Variants in LRP1 observed in about 807,000 individuals in gnomAD.
LRP1 encodes the protein LDL receptor related protein 1.
A neutral mutation model predicts 541.5 loss-of-function variants in LRP1; 51 were observed. The observed-to-expected ratio is 0.09, with a 90% CI of 0.08 to 0.12. The LOEUF (loss-of-function observed/expected upper bound fraction) is 0.12, where lower values mean the gene tolerates loss of function less well. Among genes scored for constraint, LRP1 ranks in the 10% least tolerant of loss-of-function variants. The pLI is 1.00. For synonymous variants in LRP1, 2,219 were observed against 2,470.8 expected (o/e 0.90, Z 3.02); for missense variants, 3,878 against 6,376.2 (o/e 0.61, Z 13.34).
At chr12:57,160,448 T>G (rs1000313736) in intron 12 of LRP1, among the ~76,000 whole-genome samples, 19 of 152,126 alleles carry the variant, frequency 1.2e-4, no homozygotes, top group Non-Finnish European at 2.4e-4. Flanking sequence ...AACTCCCAGA[T>G]ATTTGCCGGA....
At position 57,201,490 on chromosome 12, in the gene LRP1, C is replaced by A. The variant is rs1202974006; in HGVS notation, c.10346-7C>A. The A allele has an allele frequency of 6.2e-7, 1 of 1,607,330 alleles. No individual in the cohort carries two copies. Among genetic ancestry groups the A allele is most frequent in the African/African-American group, 1.3e-5 (1 of 74,930 alleles). The stretch of plus-strand genomic sequence containing the variant: ...GGAGGGCCCTCATTCTCTTGCCCAC[C>A]CCACAGCCGAGGTGACCTGCGCCCC... On this transcript the variant is annotated splice_polypyrimidine_tract_variant and splice_region_variant and intron_variant, in intron 65 of 88. Transcript: ENST00000243077. This position sits in a 1 kb window ranked among gnomAD's most constrained non-coding sequence, Gnocchi z 6.4.
Position 57,166,102 on chromosome 12 carries a change from C to T in LRP1, c.2690C>T (p.Ser897Leu), listed in dbSNP as rs777442819. 4.3e-6 allele frequency: 7 copies of T among 1,614,136 alleles called. No homozygotes were observed. Among genetic ancestry groups the T allele is most frequent in the Admixed American group, 1.7e-5 (1 of 60,016 alleles). Residue 897 changes from serine (S) to leucine (L), a missense_variant, in exon 17 of 89, where the codon TCG becomes TTG. Physicochemically the swap from Ser to Leu is moderately radical, Grantham distance 145 (BLOSUM62 -2). This residue lies in a region of LRP1 where 496 missense variants were observed against 861.0 expected (regional missense o/e 0.58). Coordinates refer to ENST00000243077, the MANE Select transcript of LRP1 (RefSeq NM_002332.3). ...PALCHQHTCPSDRFKCENNRC... is the reference protein window; with the variant it reads ...PALCHQHTCPLDRFKCENNRC... The stretch of plus-strand genomic sequence containing the variant: ...TCCCCAGATCAGCACACCTGCCCCT[C>T]GGACCGATTCAAGTGCGAGAACAAC...
intron 19 of LRP1, among the ~76,000 whole-genome samples, chr12:57,168,912 G>T (rs1253645875): frequency 1.3e-5 from 2 of 152,178 alleles, no homozygotes; most frequent in African/African-American, 4.8e-5. Context: ...CTGAGCTTCA[G>T]TGAGGGGCCC....
chr12:57,195,194 CG>C (rs1799739), intron 51 of LRP1, 76 bp from the exon 52 acceptor site: 521,683 of 1,594,906 alleles, frequency 0.33, 89,086 homozygotes, highest in African/African-American at 0.5. Flanking sequence ...CTGCAGACGA[CG>C]GCGAACCATC....
At chr12:57,176,945 G>A in intron 24 of LRP1, 96 bp from the exon 25 acceptor site, 2 of 1,023,094 alleles carry the variant, frequency 2.0e-6, no homozygotes, top group South Asian at 2.6e-5. Context: ...AGAAGTGCCA[G>A]GGTTGAGGGT....
intron 76 of LRP1, among the ~76,000 whole-genome samples, chr12:57,207,368 C>T (rs1334989501): frequency 2.0e-5 from 3 of 151,216 alleles, no homozygotes; most frequent in African/African-American, 4.8e-5. Context: ...GGCGTGGTGG[C>T]GGGCGCCTGT....
At chr12:57,143,939 C>T in intron 4 of LRP1, 141 bp downstream of exon 4, 1 of 1,081,218 alleles carries the variant, frequency 9.2e-7, no homozygotes, top group Middle Eastern at 2.5e-4. Flanking sequence ...GCCACCACCC[C>T]AGGGCATGAC....
rs1410989488 is a variant in LRP1, at chr12:57,178,198, TTCTG to T, written c.4362-152_4362-149del. 6.6e-6 allele frequency among the ~76,000 whole-genome samples: 1 copy of T among 152,120 alleles called. No individual in the cohort carries two copies. The highest frequency in any genetic ancestry group is 1.5e-5 in the Non-Finnish European group (1 of 68,014). On this transcript the variant is annotated intron_variant, in intron 26 of 88. Coordinates refer to ENST00000243077, the MANE Select transcript of LRP1 (RefSeq NM_002332.3). The surrounding 1 kb of genome is among the most constrained non-coding windows in gnomAD (Gnocchi z 5.8). The stretch of plus-strand genomic sequence containing the variant: ...CTGTTGGGTTCTCACACCTTGGTCC[TTCTG>T]TCTGTCTGCTCTGGCCAGCAAGGCT...
chr12:57,170,006 C>G (rs766893691), intron 20 of LRP1, among the ~76,000 whole-genome samples: 1 of 152,230 alleles, frequency 6.6e-6, no homozygotes, highest in Non-Finnish European at 1.5e-5. Flanking sequence ...AGTCCCAGAC[C>G]CAACTGTTGG....
chr12:57,168,044 G>T (rs921010945), intron 19 of LRP1: 1 of 159,406 alleles, frequency 6.3e-6, no homozygotes, highest in Admixed American at 6.3e-5. Flanking sequence ...TGTTCTGTCT[G>T]TGTTGTGTTG....
At chr12:57,209,892 C>A (rs2036868967) in intron 80 of LRP1, 24 bp downstream of exon 80, 1 of 1,609,964 alleles carries the variant, frequency 6.2e-7, no homozygotes, top group Admixed American at 1.7e-5. Context: ...GGAGCCTGGG[C>A]TGGGGAAGGG....
intron 34 of LRP1, 147 bp downstream of exon 34, chr12:57,181,438 C>A: frequency 1.0e-6 from 1 of 961,354 alleles, no homozygotes; most frequent in Non-Finnish European, 1.5e-6. Flanking sequence ...GGCTATGACT[C>A]TCCAGTGCCT....
rs115777808 is a variant in LRP1 at position 57,190,554 on chromosome 12, C to A, written c.7032-251C>A. Among the ~76,000 whole-genome samples, 1,114 of 152,356 alleles carry A rather than the reference C, an allele frequency of 7.3e-3. 10 individuals carry two copies. Among genetic ancestry groups the A allele is most frequent in the African/African-American group, 0.026 (1,067 of 41,580 alleles). On this transcript the variant is annotated intron_variant, in intron 42 of 88. Transcript: ENST00000243077. The stretch of plus-strand genomic sequence containing the variant: ...TCTCTTCTCAGCAAGTAGACGGTCA[C>A]TGCCCAGATACTGCAATGTGAATAT...
chr12:57,138,331 A>G, intron 1 of LRP1, 128 bp from the exon 2 acceptor site: 2 of 1,155,540 alleles, frequency 1.7e-6, no homozygotes, highest in Non-Finnish European at 2.5e-6. Flanking sequence ...AGGCACATAG[A>G]CCATGGCTGA....
At position 57,180,344 on chromosome 12, in the gene LRP1, T is replaced by C; in HGVS notation, c.5251T>C (p.Phe1751Leu). ...CCCTTTTCCAGGCCTGGCTATTGAC[T>C]TCCCTGAAAGCAAACTCTACTGGAT... ...QKGPVGLAID[F>L]PESKLYWISS... The change falls in exon 32 of 89, where the codon TTC becomes CTC. Residue 1751 changes from phenylalanine to leucine, a missense_variant. Coordinates refer to ENST00000243077, the MANE Select transcript of LRP1 (RefSeq NM_002332.3). 6.2e-7 allele frequency: 1 copy of C among 1,614,020 alleles called. No individual in the cohort carries two copies. Among genetic ancestry groups the C allele is most frequent in the South Asian group, 1.1e-5 (1 of 91,078 alleles).
At chr12:57,133,636 C>A (rs1472444300) in intron 1 of LRP1, among the ~76,000 whole-genome samples, 2 of 139,684 alleles carry the variant, frequency 1.4e-5, no homozygotes, top group Admixed American at 7.1e-5. Context: ...CCCCACCCCA[C>A]CCCCCGCACC....
In LRP1 at chr12:57,162,157, C is replaced by G. The variant is rs1250185786; in HGVS notation, c.2203-160C>G. Among the ~76,000 whole-genome samples the G allele has an allele frequency of 6.6e-6, 1 of 152,150 alleles. No individual in the cohort carries two copies. Among genetic ancestry groups the G allele is most frequent in the East Asian group, 1.9e-4 (1 of 5,190 alleles). ...GCTGGCTTCAGGATCTACCATCCCA[C>G]TGTGTGCAAAACTATCACTCTCTGG... On this transcript the variant is annotated intron_variant, in intron 13 of 88. Coordinates refer to ENST00000243077, the MANE Select transcript of LRP1 (RefSeq NM_002332.3). This position sits in a 1 kb window ranked among gnomAD's most constrained non-coding sequence, Gnocchi z 5.2.
In LRP1 at chr12:57,173,298, G is replaced by A. The variant is rs766423037; in HGVS notation, c.3294G>A (p.Glu1098=). The part of the protein sequence containing the change: ...CMDSSDEKSC[E]GVTHVCDPSV... The stretch of plus-strand genomic sequence containing the variant: ...ACTCCAGCGATGAGAAGAGCTGTGA[G>A]GGAGTGACCCACGTCTGCGATCCCA... Residue 1098 remains glutamate, a synonymous_variant, in exon 21 of 89, where the codon GAG becomes GAA. Coordinates refer to ENST00000243077, the MANE Select transcript of LRP1 (RefSeq NM_002332.3). This position sits in a 1 kb window ranked among gnomAD's most constrained non-coding sequence, Gnocchi z 4.7. The A allele has an allele frequency of 1.1e-5, 18 of 1,614,144 alleles. No individual in the cohort carries two copies. Among genetic ancestry groups the A allele is most frequent in the African/African-American group, 5.3e-5 (4 of 75,074 alleles).
intron 82 of LRP1, 106 bp from the exon 83 acceptor site, chr12:57,210,612 C>A: frequency 2.1e-6 from 3 of 1,459,382 alleles, no homozygotes; most frequent in South Asian, 1.3e-5. Context: ...AGCATCCAGT[C>A]ACTCCAGTCT....
Sources: gnomAD v4.1 joint callset for allele counts (sites outside exome capture counted in the v4.1 genomes callset) on GRCh38, gnomAD v4.1.1 for gene constraint, gnomAD v4.1.1 regional missense constraint, Gnocchi (gnomAD v3.1) non-coding constraint, MANE v1.5 for transcripts, NCBI Gene and HGNC (gene_info 2026-07-23, HGNC 2026-07-21) for gene names.